Variants in LRP1 observed in about 807,000 individuals in gnomAD.
The protein encoded by LRP1 is LDL receptor related protein 1.
In LRP1, 51 loss-of-function variants were observed where a neutral mutation model predicts 541.5. The observed-to-expected ratio is 0.09, with a 90% CI of 0.08 to 0.12. LRP1 has a LOEUF of 0.12. LRP1 is among the 10% of genes least tolerant of loss of function. LRP1 has a pLI of 1.00. For missense variants in LRP1, 3,878 were observed against 6,376.2 expected (o/e 0.61, Z 13.34); for synonymous variants, 2,219 against 2,470.8 (o/e 0.90, Z 3.02).
chr12:57,207,930 C>A lies in LRP1; in HGVS notation c.11860-108C>A, dbSNP rs148465119. ...GGTTGAATCTCTTTAAAGCCAGGGTCCTGGCTGTGAGCCTGGGGTGACGTT... is the reference window on the plus strand; with the variant it reads ...GGTTGAATCTCTTTAAAGCCAGGGTACTGGCTGTGAGCCTGGGGTGACGTT... On this transcript the variant is annotated intron_variant, in intron 76 of 88. Transcript: ENST00000243077. 2.7e-3 allele frequency: 3,350 copies of A among 1,252,612 alleles called. 53 individuals carry two copies. The East Asian group carries it at 0.029, about 11-fold the overall frequency. 77.6% of individuals were successfully genotyped at this position (1,252,612 alleles called of 1,614,324 possible).
chr12:57,200,925 G>C (rs1176017010), intron 64 of LRP1, 109 bp from the exon 65 acceptor site: 9 of 1,581,116 alleles, frequency 5.7e-6, no homozygotes, highest in Non-Finnish European at 7.8e-6. Context: ...TGCTCTCCAG[G>C]CTGGATTCCT....
rs1182814904 is a variant in LRP1, at chr12:57,205,520, C to A, written c.11470+35C>A. On this transcript the variant is annotated intron_variant, in intron 74 of 88. Coordinates refer to ENST00000243077, the MANE Select transcript of LRP1 (RefSeq NM_002332.3). This position sits in a 1 kb window ranked among gnomAD's most constrained non-coding sequence, Gnocchi z 4.6. ...CGGGGCAGAGCAGGGGTGGACACCC[C>A]AACTGTGGACTCTCATGACCCTCCC... is the stretch of plus-strand genomic sequence containing the variant. The A allele has an allele frequency of 6.2e-7, 1 of 1,613,334 alleles. No individual in the cohort carries two copies. Among genetic ancestry groups the A allele is most frequent in the South Asian group, 1.1e-5 (1 of 91,070 alleles).
At chr12:57,191,055 C>A (rs911374862) in intron 43 of LRP1, 46 bp downstream of exon 43, 3 of 1,557,554 alleles carry the variant, frequency 1.9e-6, no homozygotes. Flanking sequence ...GAGGGGAGGC[C>A]AGGGCCAGGG....
intron 42 of LRP1, 62 bp from the exon 43 acceptor site, chr12:57,190,743 C>T: frequency 1.3e-6 from 2 of 1,519,264 alleles, no homozygotes; most frequent in African/African-American, 2.7e-5. Context: ...GCGTCCTGGC[C>T]TGTGCCCTCT....
intron 31 of LRP1, 34 bp downstream of exon 31, chr12:57,180,175 C>T (rs771510419): frequency 6.2e-7 from 1 of 1,602,608 alleles, no homozygotes; most frequent in South Asian, 1.1e-5. Flanking sequence ...CACAGCCCCT[C>T]CCTAATTCCT....
chr12:57,163,594 T>A (rs1477259529), intron 15 of LRP1, among the ~76,000 whole-genome samples: 1 of 151,152 alleles, frequency 6.6e-6, no homozygotes, highest in Non-Finnish European at 1.5e-5. Flanking sequence ...AAAAAAAAAT[T>A]AACATTAAAA....
chr12:57,191,136 GC>G, intron 43 of LRP1, 127 bp downstream of exon 43: 2 of 1,160,884 alleles, frequency 1.7e-6, no homozygotes, highest in Non-Finnish European at 2.4e-6. Context: ...GTGCCTCCAG[GC>G]CCCAGCCTCG....
rs985639142 is a variant in LRP1, at chr12:57,204,285, G to A, written c.10952-125G>A. ...CACCAAGTAGAAATTTAAGAGACCT[G>A]GTTCCAATTTGGCTGTGCCACTGCT... On this transcript the variant is annotated intron_variant, in intron 70 of 88. Coordinates refer to ENST00000243077, the MANE Select transcript of LRP1 (RefSeq NM_002332.3). The surrounding 1 kb of genome is among the most constrained non-coding windows in gnomAD (Gnocchi z 5.3). 3 of 1,173,270 alleles carry A rather than the reference G, an allele frequency of 2.6e-6. No homozygotes were observed. Among genetic ancestry groups the A allele is most frequent in the Non-Finnish European group, 3.5e-6 (3 of 859,072 alleles). The allele number at this position is 1,173,270 out of a possible 1,614,324, so 72.7% of individuals were successfully genotyped here.
At chr12:57,175,776 G>T in intron 23 of LRP1, 71 bp downstream of exon 23, 1 of 1,549,438 alleles carries the variant, frequency 6.5e-7, no homozygotes. Flanking sequence ...TGGGCTTGGT[G>T]GCCAGGTGCC....
intron 23 of LRP1, 55 bp from the exon 24 acceptor site, chr12:57,175,854 G>T: frequency 5.0e-6 from 8 of 1,598,388 alleles, no homozygotes; most frequent in Non-Finnish European, 6.0e-6. Context: ...GCCAGGACGG[G>T]TGGCACACAG....
At chr12:57,161,202 G>A (rs768257393) in intron 13 of LRP1, 87 bp downstream of exon 13, 73 of 1,308,880 alleles carry the variant, frequency 5.6e-5, no homozygotes, top group Admixed American at 2.1e-4. Context: ...TGAGTATGTG[G>A]GTATCTGTGT....
chr12:57,146,221 TA>T (rs34449430), intron 6 of LRP1, among the ~76,000 whole-genome samples: 70,489 of 151,906 alleles, frequency 0.46, 16,642 homozygotes, highest in Admixed American at 0.55. Flanking sequence ...CCAGCAACCT[TA>T]AAAGTCAACA....
chr12:57,133,577 C>CA (rs2035084688), intron 1 of LRP1, among the ~76,000 whole-genome samples: 1 of 152,030 alleles, frequency 6.6e-6, no homozygotes, highest in South Asian at 2.1e-4. Flanking sequence ...GCCCCACCCC[C>CA]ATAAGGTCGA....
At position 57,156,769 on chromosome 12, in the gene LRP1, GCCC is replaced by G; in HGVS notation, c.1418-5_1418-3del. ...AGGGGTCCTAACAGCTCTTCACCCT[GCCC>G]CCAGTGAGGAGCCATGCCTGTGAAA... On this transcript the variant is annotated splice_polypyrimidine_tract_variant and splice_region_variant and intron_variant, in intron 9 of 88. Transcript: ENST00000243077. This position sits in a 1 kb window ranked among gnomAD's most constrained non-coding sequence, Gnocchi z 5.2. 1.9e-6 allele frequency: 3 copies of G among 1,603,684 alleles called. No homozygotes were observed. Among genetic ancestry groups the G allele is most frequent in the Non-Finnish European group, 2.6e-6 (3 of 1,173,210 alleles).
chr12:57,178,653 T>C lies in LRP1; in HGVS notation c.4606+50T>C. The C allele has an allele frequency of 6.2e-7, 1 of 1,608,984 alleles. No individual in the cohort carries two copies. Among genetic ancestry groups the C allele is most frequent in the Non-Finnish European group, 8.5e-7 (1 of 1,176,970 alleles). On this transcript the variant is annotated intron_variant, in intron 27 of 88. Transcript: ENST00000243077. This position sits in a 1 kb window ranked among gnomAD's most constrained non-coding sequence, Gnocchi z 5.8. ...GCCGGAAGGGAGCCAGCAGCCTCTTTAGAAGCTGTAGAAGCTCTTAGGAGA... is the reference window on the plus strand; with the variant it reads ...GCCGGAAGGGAGCCAGCAGCCTCTTCAGAAGCTGTAGAAGCTCTTAGGAGA...
rs1052670904 is a variant in LRP1 at position 57,157,032 on chromosome 12, G to T, written c.1561+112G>T. ...TGACATGCAGGGAGATGAAGGAAGT[G>T]TCCCAGAGTGTACCTGCTAGTGAGG... On this transcript the variant is annotated intron_variant, in intron 10 of 88. Transcript: ENST00000243077. The T allele has an allele frequency of 4.6e-6, 6 of 1,301,840 alleles. No homozygotes were observed. In the South Asian group the frequency reaches 5.1e-5, roughly 11 times the overall value. 80.6% of individuals were successfully genotyped at this position (1,301,840 alleles called of 1,614,324 possible).
At chr12:57,192,278 G>C (rs2036428132) in intron 44 of LRP1, among the ~76,000 whole-genome samples, 1 of 151,884 alleles carries the variant, frequency 6.6e-6, no homozygotes, top group African/African-American at 2.4e-5. Context: ...TCCCACCAAG[G>C]CATCTACGCA....
chr12:57,201,917 C>T lies in LRP1; in HGVS notation c.10594+12C>T, dbSNP rs2036665052. On this transcript the variant is annotated intron_variant, in intron 67 of 88. Transcript: ENST00000243077. This position sits in a 1 kb window ranked among gnomAD's most constrained non-coding sequence, Gnocchi z 6.4. ...CAAGGAAGAGTGTGGTGAGCCGAGA[C>T]CCCACTCCAGGAGGAAGACAGTCTA... The T allele has an allele frequency of 2.5e-6, 4 of 1,613,616 alleles. No individual in the cohort carries two copies. Among genetic ancestry groups the T allele is most frequent in the African/African-American group, 2.7e-5 (2 of 74,876 alleles).
chr12:57,184,358 C>T lies in LRP1; in HGVS notation c.6092C>T (p.Pro2031Leu). 1.2e-6 allele frequency: 2 copies of T among 1,614,194 alleles called. No individual in the cohort carries two copies. The highest frequency in any genetic ancestry group is 1.7e-6 in the Non-Finnish European group (2 of 1,180,038). Reference protein sequence around the residue: ...YLFWTEWGQYPRIERSRLDGT... With the variant: ...YLFWTEWGQYLRIERSRLDGT... ...TTCTGGACTGAGTGGGGTCAGTATC[C>T]GCGTATTGAGCGGTCTCGGCTAGAT... Residue 2031 changes from proline to leucine, a missense_variant, in exon 38 of 89, where the codon CCG (proline) becomes CTG (leucine). Physicochemically the swap from Pro to Leu is moderately conservative, Grantham distance 98 (BLOSUM62 -3). Coordinates refer to ENST00000243077, the MANE Select transcript of LRP1 (RefSeq NM_002332.3). This position sits in a 1 kb window ranked among gnomAD's most constrained non-coding sequence, Gnocchi z 7.8.
Sources: gnomAD v4.1 joint callset for allele counts (sites outside exome capture counted in the v4.1 genomes callset) on GRCh38, gnomAD v4.1.1 for gene constraint, Gnocchi (gnomAD v3.1) non-coding constraint, MANE v1.5 for transcripts, NCBI Gene and HGNC (gene_info 2026-07-23, HGNC 2026-07-21) for gene names.